SCN8A: variants seen among roughly 807,000 people sequenced by gnomAD.
The protein encoded by SCN8A is sodium voltage-gated channel alpha subunit 8.
In SCN8A, 30 loss-of-function variants were observed where a neutral mutation model predicts 184.1. That is an observed-to-expected ratio of 0.16 (90% CI 0.12 to 0.22). The LOEUF (loss-of-function observed/expected upper bound fraction) is 0.22. Ranked by LOEUF, SCN8A falls within the 10% of genes least tolerant of loss-of-function variation. The probability of loss-of-function intolerance (pLI) is 1.00; values close to 1 mark genes in which losing one functional copy is unlikely to be tolerated. For synonymous variants in SCN8A, 852 were observed against 907.0 expected (o/e 0.94, Z 1.09); for missense variants, 1,057 against 2,498.9 (o/e 0.42, Z 12.30).
chr12:51,604,100 A>G (rs1194958448), intron 1 of SCN8A, among the ~76,000 whole-genome samples: 1 of 151,936 alleles, frequency 6.6e-6, no homozygotes, highest in Non-Finnish European at 1.5e-5. Flanking sequence ...TTTTTCATTT[A>G]TGGGTCACGT....
Position 51,686,458 on chromosome 12 carries a change from G to A in SCN8A, c.485+1G>A. On this transcript the variant is annotated splice_donor_variant, in intron 4 of 26. Transcript: ENST00000627620. LOFTEE classifies it high-confidence loss of function. ...CTCCTGACTGGTCGAAGAATGTGGA[G>A]TAAGTAACTCATTTATGTGTGTGCT... is the stretch of plus-strand genomic sequence containing the variant. 1 of 1,579,036 alleles carries A rather than the reference G, an allele frequency of 6.3e-7. No homozygotes were observed. Among genetic ancestry groups the A allele is most frequent in the Non-Finnish European group, 8.7e-7 (1 of 1,148,588 alleles).
chr12:51,617,358 A>T (rs1939863666), intron 1 of SCN8A, among the ~76,000 whole-genome samples: 1 of 152,080 alleles, frequency 6.6e-6, no homozygotes, highest in African/African-American at 2.4e-5. Flanking sequence ...AAGTTCATCA[A>T]CTATTCTGTC....
Position 51,747,081 on chromosome 12 carries a change from CTGTGTGTATG to C in SCN8A, c.2131+1054_2131+1063del, listed in dbSNP as rs746117297. ...ATTTAAACCCAGTGCCACTTCTACT[CTGTGTGTATG>C]TGTGTGTGTGTGTGTGTGTGTGTGT... On this transcript the variant is annotated intron_variant, in intron 13 of 26. Transcript: ENST00000627620. Among the ~76,000 whole-genome samples the C allele has an allele frequency of 3.5e-3, 318 of 90,616 alleles. 4 individuals carry two copies. Among genetic ancestry groups the C allele is most frequent in the East Asian group, 0.035 (112 of 3,218 alleles). The allele number at this position is 90,616 out of a possible 152,430, so 59.4% of individuals were successfully genotyped here.
intron 12 of SCN8A, among the ~76,000 whole-genome samples, chr12:51,739,937 A>G (rs1942392515): frequency 6.6e-6 from 1 of 152,234 alleles, no homozygotes; most frequent in Admixed American, 6.5e-5. Context: ...AGTCATTAGC[A>G]TTGTTTCTAT....
At chr12:51,686,702 A>G (rs978852770) in intron 4 of SCN8A, among the ~76,000 whole-genome samples, 1 of 152,002 alleles carries the variant, frequency 6.6e-6, no homozygotes, top group East Asian at 1.9e-4. Flanking sequence ...CTGCAGCCCC[A>G]TCACCATCTT....
Position 51,786,413 on chromosome 12 carries a change from C to G in SCN8A, c.3943-129C>G, listed in dbSNP as rs568790853. On this transcript the variant is annotated intron_variant, in intron 21 of 26. Coordinates refer to ENST00000627620, the MANE Select transcript of SCN8A (RefSeq NM_001330260.2). Reference sequence around the variant, plus strand: ...CTACTTGTCAGTCTGTCCAGTTACTCTAATTCCAAAGGGAATGTAATGTTT... The same window carrying G: ...CTACTTGTCAGTCTGTCCAGTTACTGTAATTCCAAAGGGAATGTAATGTTT... The G allele has an allele frequency of 9.5e-5, 101 of 1,059,596 alleles. No individual in the cohort carries two copies. In the East Asian group the frequency reaches 1.5e-3, roughly 15 times the overall value. 65.6% of individuals were successfully genotyped at this position (1,059,596 alleles called of 1,614,324 possible).
chr12:51,660,176 G>C (rs536063583), intron 1 of SCN8A, among the ~76,000 whole-genome samples: 2 of 152,174 alleles, frequency 1.3e-5, no homozygotes, highest in Non-Finnish European at 2.9e-5. Flanking sequence ...AAGAGAGTGG[G>C]GGTGGAGATG....
chr12:51,806,970 G>T lies in SCN8A; in HGVS notation c.5484G>T (p.Glu1828Asp). ...PLRVPKPNTI[E>D]LIAMDLPMVS... ...GAGTGCCCAAGCCCAATACCATTGA[G>T]CTCATCGCTATGGATCTGCCAATGG... Residue 1828 changes from glutamate to aspartate, a missense_variant, in exon 27 of 27, where the codon GAG becomes GAT. Transcript: ENST00000627620. The surrounding 1 kb of genome is among the most constrained non-coding windows in gnomAD (Gnocchi z 8.7). 1.2e-6 allele frequency: 2 copies of T among 1,614,020 alleles called. No individual in the cohort carries two copies. Among genetic ancestry groups the T allele is most frequent in the Non-Finnish European group, 1.7e-6 (2 of 1,179,892 alleles).
At chr12:51,795,715 C>T (rs1938386929) in intron 26 of SCN8A, among the ~76,000 whole-genome samples, 1 of 152,178 alleles carries the variant, frequency 6.6e-6, no homozygotes, top group Non-Finnish European at 1.5e-5. Flanking sequence ...TGAGGATTCA[C>T]AGTGCACATT....
intron 1 of SCN8A, among the ~76,000 whole-genome samples, chr12:51,638,766 T>C (rs1026223581): frequency 6.6e-6 from 1 of 152,078 alleles, no homozygotes; most frequent in Admixed American, 6.6e-5. Context: ...ATTATAGGCA[T>C]GAGCCACCAC....
At chr12:51,770,400 C>A in intron 18 of SCN8A, 129 bp from the exon 19 acceptor site, 1 of 1,059,286 alleles carries the variant, frequency 9.4e-7, no homozygotes, top group Non-Finnish European at 1.3e-6. Context: ...ATCAGACATT[C>A]TGATTCAGCC....
At chr12:51,752,446 A>G (rs1942610609) in intron 14 of SCN8A, among the ~76,000 whole-genome samples, 1 of 152,004 alleles carries the variant, frequency 6.6e-6, no homozygotes, top group Admixed American at 6.6e-5. Context: ...CACACACCAC[A>G]CAGTTTTGAC....
rs1205972202 is a variant in SCN8A, at chr12:51,809,227, A to G, written c.*1798A>G. On this transcript the variant is annotated 3_prime_UTR_variant, in exon 27 of 27. Transcript: ENST00000627620. Reference sequence around the variant, plus strand: ...GTTTCTCACCTAATGACTGGATTTCAAAGCCAAGATGCTGCAGTTGAATGT... The same window carrying G: ...GTTTCTCACCTAATGACTGGATTTCGAAGCCAAGATGCTGCAGTTGAATGT... The G allele has an allele frequency of 6.6e-6, 1 of 152,226 alleles. No homozygotes were observed. The highest frequency in any genetic ancestry group is 1.9e-4 in the East Asian group (1 of 5,206). The allele number at this position is 152,226 out of a possible 1,614,324, so 9.4% of individuals were successfully genotyped here.
At chr12:51,633,444 A>T (rs1231993655) in intron 1 of SCN8A, among the ~76,000 whole-genome samples, 4 of 152,176 alleles carry the variant, frequency 2.6e-5, no homozygotes, top group Admixed American at 2.6e-4. Flanking sequence ...CATTTTAAGT[A>T]AGAATCTTCA....
chr12:51,639,167 A>T (rs1439592175), intron 1 of SCN8A, among the ~76,000 whole-genome samples: 1 of 151,762 alleles, frequency 6.6e-6, no homozygotes, highest in Non-Finnish European at 1.5e-5. Context: ...TTTTGTAGAG[A>T]CAAGGTTCAC....
intron 1 of SCN8A, among the ~76,000 whole-genome samples, chr12:51,605,277 C>T (rs1257433283): frequency 6.6e-6 from 1 of 152,134 alleles, no homozygotes; most frequent in Non-Finnish European, 1.5e-5. Context: ...TCCCCAAAGT[C>T]CACTGTATCA....
intron 20 of SCN8A, among the ~76,000 whole-genome samples, chr12:51,775,677 C>T (rs1937670603): frequency 6.6e-6 from 1 of 152,128 alleles, no homozygotes; most frequent in African/African-American, 2.4e-5. Flanking sequence ...GAGATAAGAC[C>T]CAGAGAGCCA....
chr12:51,799,822 C>T (rs1182632576), intron 26 of SCN8A, among the ~76,000 whole-genome samples: 1 of 152,216 alleles, frequency 6.6e-6, no homozygotes, highest in African/African-American at 2.4e-5. Flanking sequence ...CCAAATGCAA[C>T]AACTTATCCT....
At chr12:51,743,983 C>G (rs935601084) in intron 12 of SCN8A, among the ~76,000 whole-genome samples, 5 of 152,142 alleles carry the variant, frequency 3.3e-5, no homozygotes, top group African/African-American at 9.7e-5. Context: ...CACCACTTAG[C>G]AAACAATAAG....
Sources: gnomAD v4.1 joint callset for allele counts (sites outside exome capture counted in the v4.1 genomes callset) on GRCh38, gnomAD v4.1.1 for gene constraint, Gnocchi (gnomAD v3.1) non-coding constraint, MANE v1.5 for transcripts, NCBI Gene and HGNC (gene_info 2026-07-23, HGNC 2026-07-21) for gene names.